Variants in IFIH1 observed in about 807,000 individuals in gnomAD.
The protein encoded by IFIH1 is interferon induced with helicase C domain 1.
IFIH1 carries 125 observed loss-of-function variants against 107.4 expected under a neutral mutation model. That is an observed-to-expected ratio of 1.16 (90% CI 1.01 to 1.35). The LOEUF is 1.35. IFIH1 is among the 40% of genes most tolerant of loss of function. The pLI is 0.00. For missense variants in IFIH1, 1,333 were observed against 1,213.7 expected, an observed-to-expected ratio of 1.10 and a Z score of -1.46; for synonymous variants, 458 against 413.2, an observed-to-expected ratio of 1.11 and a Z score of -1.31.
chr2:162,272,270 T>C lies in IFIH1; in HGVS notation c.2572A>G (p.Ile858Val). 2 of 1,612,788 alleles carry C rather than the reference T, an allele frequency of 1.2e-6. No individual in the cohort carries two copies. The highest frequency in any genetic ancestry group is 1.7e-6 in the Non-Finnish European group (2 of 1,179,260). Residue 858 changes from isoleucine to valine, a missense_variant, in exon 13 of 16, where the codon ATA becomes GTA. Ile to Val is a conservative substitution (Grantham distance 29, BLOSUM62 3). Transcript: ENST00000649979. ...DFREKMMYKA[I>V]HCVQNMKPEE... ...GGTTTCATATTTTGAACACAATGTA[T>C]AGCTTTATACATCATCTTCTCTCGG...
At chr2:162,315,834 G>C (rs531474870) in intron 1 of IFIH1, among the ~76,000 whole-genome samples, 9 of 152,200 alleles carry the variant, frequency 5.9e-5, no homozygotes, top group African/African-American at 2.2e-4. Flanking sequence ...CTTAGTTTTG[G>C]AACTGATAAT....
chr2:162,277,025 T>C lies in IFIH1; in HGVS notation c.2045-79A>G, dbSNP rs575891672. On this transcript the variant is annotated intron_variant, in intron 10 of 15. Transcript: ENST00000649979. The stretch of plus-strand genomic sequence containing the variant: ...CAATGTACAGATATATCAAACATTT[T>C]GTACACCAAAAATATACAGTTTTAT... The C allele has an allele frequency of 2.4e-5, 24 of 984,956 alleles. 1 individual carries two copies. The Middle Eastern group carries it at 1.7e-3, about 68-fold the overall frequency. The allele number at this position is 984,956 out of a possible 1,614,324, so 61.0% of individuals were successfully genotyped here. A position where few individuals can be genotyped will look rare whatever the true frequency, so the allele number is the denominator to read the frequency against.
chr2:162,277,697 T>C lies in IFIH1; in HGVS notation c.1766-4A>G. ...TTGCGATTTCCTTCTTTTGCAGCTGTGAAAAAATATATTATGTAAGTGAAA... is the reference window on the plus strand; with the variant it reads ...TTGCGATTTCCTTCTTTTGCAGCTGCGAAAAAATATATTATGTAAGTGAAA... On this transcript the variant is annotated splice_region_variant and splice_polypyrimidine_tract_variant and intron_variant, in intron 9 of 15. Coordinates refer to ENST00000649979, the MANE Select transcript of IFIH1 (RefSeq NM_022168.4). 1 of 1,598,470 alleles carries C rather than the reference T, an allele frequency of 6.3e-7. No homozygotes were observed. Among genetic ancestry groups the C allele is most frequent in the Non-Finnish European group, 8.5e-7 (1 of 1,173,310 alleles).
At chr2:162,314,729 C>A (rs1028871559) in intron 1 of IFIH1, among the ~76,000 whole-genome samples, 18 of 151,958 alleles carry the variant, frequency 1.2e-4, no homozygotes, top group Non-Finnish European at 2.4e-4. Context: ...ACCTCGAGAG[C>A]CACCCTCCTC....
chr2:162,293,776 G>T, intron 3 of IFIH1, 108 bp from the exon 4 acceptor site: 1 of 612,996 alleles, frequency 1.6e-6, no homozygotes, highest in Non-Finnish European at 2.8e-6. Flanking sequence ...TTCAAGTGGG[G>T]AAGGCACACC....
intron 6 of IFIH1, 25 bp downstream of exon 6, chr2:162,282,341 T>TAA: frequency 6.7e-7 from 1 of 1,482,120 alleles, no homozygotes. Flanking sequence ...TTAATTTTTT[T>TAA]AAAAAAATAA....
Position 162,317,907 on chromosome 2 carries a change from A to G in IFIH1, c.401T>C (p.Val134Ala), listed in dbSNP as rs756433741. The G allele has an allele frequency of 6.2e-7, 1 of 1,612,486 alleles. No homozygotes were observed. The highest frequency in any genetic ancestry group is 2.2e-5 in the East Asian group (1 of 44,860). The change falls in exon 1 of 16, where the codon GTC (valine) becomes GCC (alanine). Residue 134 changes from valine to alanine, a missense_variant. Val to Ala is a moderately conservative substitution (Grantham distance 64, BLOSUM62 0). Transcript: ENST00000649979. ...TLVDKLLVRD[V>A]LDKCMEEELL... is the part of the protein sequence containing the mutation. Reference sequence around the variant, plus strand: ...TTCCTCCTCCATGCACTTATCCAAGACGTCTCTAACTAGAAGCTTGTCCAC... The same window carrying G: ...TTCCTCCTCCATGCACTTATCCAAGGCGTCTCTAACTAGAAGCTTGTCCAC...
At chr2:162,288,433 G>T (rs1212670423) in intron 4 of IFIH1, 78 bp from the exon 5 acceptor site, 4 of 1,001,084 alleles carry the variant, frequency 4.0e-6, no homozygotes, top group Non-Finnish European at 6.1e-6. Flanking sequence ...CTGAACGTAG[G>T]CCTCTTGTGC....
chr2:162,315,729 C>A (rs1683479584), intron 1 of IFIH1, among the ~76,000 whole-genome samples: 1 of 152,200 alleles, frequency 6.6e-6, no homozygotes, highest in Admixed American at 6.5e-5. Context: ...TCTTATCACA[C>A]TTTGCTGCTG....
intron 5 of IFIH1, among the ~76,000 whole-genome samples, chr2:162,286,377 T>C (rs1334863712): frequency 1.3e-5 from 2 of 151,896 alleles, no homozygotes; most frequent in Non-Finnish European, 2.9e-5. Flanking sequence ...TCTAAGAGTG[T>C]CAGTGTCTTG....
intron 1 of IFIH1, among the ~76,000 whole-genome samples, chr2:162,314,779 T>G (rs1327091074): frequency 1.3e-5 from 2 of 152,118 alleles, no homozygotes; most frequent in African/African-American, 4.8e-5. Flanking sequence ...TAAGCCACCA[T>G]GACTGGCCTA....
At chr2:162,304,387 G>A (rs1683244003) in intron 3 of IFIH1, among the ~76,000 whole-genome samples, 1 of 152,098 alleles carries the variant, frequency 6.6e-6, no homozygotes, top group Admixed American at 6.6e-5. Context: ...ACTTGCGCCT[G>A]GGAGGTCAAG....
intron 3 of IFIH1, among the ~76,000 whole-genome samples, chr2:162,305,137 TCAGGTATGTAAAAAGCC>T (rs1576236690): frequency 6.6e-6 from 1 of 152,188 alleles, no homozygotes; most frequent in East Asian, 1.9e-4. Context: ...ATATACACAT[TCAGGTATGTAAAAAGCC>T]CAGAAGCACA....
chr2:162,314,574 G>A (rs987253168), intron 1 of IFIH1, among the ~76,000 whole-genome samples: 7 of 151,160 alleles, frequency 4.6e-5, no homozygotes, highest in South Asian at 2.1e-4. Context: ...TGCAAGCTCC[G>A]CCTCCCAGGT....
At chr2:162,280,972 C>A (rs1229424785) in intron 7 of IFIH1, among the ~76,000 whole-genome samples, 1 of 151,954 alleles carries the variant, frequency 6.6e-6, no homozygotes, top group Non-Finnish European at 1.5e-5. Flanking sequence ...TGGAGTAAGA[C>A]TTTATTATGT....
chr2:162,313,820 CT>C (rs963696876), intron 1 of IFIH1, among the ~76,000 whole-genome samples: 17 of 149,646 alleles, frequency 1.1e-4, no homozygotes, highest in African/African-American at 1.5e-4. Flanking sequence ...CTTATTCATA[CT>C]TTTTTTTTTG....
At chr2:162,315,944 C>T (rs148061100) in intron 1 of IFIH1, among the ~76,000 whole-genome samples, 9 of 152,274 alleles carry the variant, frequency 5.9e-5, no homozygotes, top group African/African-American at 1.9e-4. Context: ...CTTTTGGGGC[C>T]TCCTTTGAAA....
chr2:162,277,570 T>C lies in IFIH1; in HGVS notation c.1889A>G (p.Tyr630Cys), dbSNP rs775623826. The change falls in exon 10 of 16, where the codon TAT (tyrosine) becomes TGT (cysteine). Residue 630 changes from tyrosine (Y) to cysteine (C), a missense_variant. Coordinates refer to ENST00000649979, the MANE Select transcript of IFIH1 (RefSeq NM_022168.4). ...IDAYTHLETF[Y>C]NEEKDKKFAV... ...AAACTTCTTATCTTTCTCTTCATTA[T>C]AGAAAGTTTCAAGATGAGTATACGC... The C allele has an allele frequency of 8.7e-6, 14 of 1,607,120 alleles. No homozygotes were observed. The highest frequency in any genetic ancestry group is 1.1e-5 in the Non-Finnish European group (13 of 1,173,874).
chr2:162,303,853 T>C (rs958466909), intron 3 of IFIH1, among the ~76,000 whole-genome samples: 2 of 152,224 alleles, frequency 1.3e-5, no homozygotes, highest in Non-Finnish European at 2.9e-5. Context: ...TGGTAATCTT[T>C]GATGATAAAC....
Sources: allele counts gnomAD v4.1 joint callset (sites outside exome capture counted in the v4.1 genomes callset), GRCh38; gene constraint gnomAD v4.1.1; transcripts MANE v1.5; gene names NCBI Gene and HGNC (gene_info 2026-07-23, HGNC 2026-07-21).